Variants in ITPK1 observed in about 807,000 individuals in gnomAD.
ITPK1 encodes inositol 1,3,4-trisphosphate 5/6-kinase.
A neutral mutation model predicts 45.3 loss-of-function variants in ITPK1; 21 were observed. The ratio of observed to expected loss-of-function variants is 0.46; its 90% CI spans 0.33 to 0.67. ITPK1 has a LOEUF of 0.67. Ranked by LOEUF, ITPK1 falls within the 30% of genes least tolerant of loss-of-function variation. ITPK1 has a pLI of 0.02. For missense variants in ITPK1, 474 were observed against 573.5 expected (o/e 0.83, Z 1.77); for synonymous variants, 258 against 253.6 (o/e 1.02, Z -0.16).
At chr14:93,092,725 A>C (rs1891912867) in intron 2 of ITPK1, among the ~76,000 whole-genome samples, 1 of 152,202 alleles carries the variant, frequency 6.6e-6, no homozygotes. Context: ...AGCTGGGCCT[A>C]ATGTGGTCCT....
intron 4 of ITPK1, among the ~76,000 whole-genome samples, chr14:93,001,924 C>A (rs1887375496): frequency 6.6e-6 from 1 of 152,168 alleles, no homozygotes. Context: ...GGGGGTCCTG[C>A]CAAGATTCCA....
intron 8 of ITPK1, among the ~76,000 whole-genome samples, chr14:92,954,606 T>C (rs1888108204): frequency 6.6e-6 from 1 of 152,220 alleles, no homozygotes; most frequent in African/African-American, 2.4e-5. Context: ...GTGTGTGTTT[T>C]CTTCTCAACT....
rs371304373 is a variant in ITPK1, at chr14:92,940,154, G to A, written c.*1407C>T. ...CCGAAGGACCTCCATGCACTGGCTC[G>A]GGGGCCTCTCTCGGGACACTCAGCA... On this transcript the variant is annotated 3_prime_UTR_variant, in exon 11 of 11. Coordinates refer to ENST00000267615, the MANE Select transcript of ITPK1 (RefSeq NM_014216.6). 66 of 985,732 alleles carry A rather than the reference G, an allele frequency of 6.7e-5. No individual in the cohort carries two copies. Among genetic ancestry groups the A allele is most frequent in the African/African-American group, 6.6e-4 (38 of 57,360 alleles). The allele number at this position is 985,732 out of a possible 1,614,324, so 61.1% of individuals were successfully genotyped here.
chr14:92,983,863 C>T (rs763041506), intron 5 of ITPK1, among the ~76,000 whole-genome samples: 10 of 151,972 alleles, frequency 6.6e-5, no homozygotes, highest in Non-Finnish European at 1.3e-4. Flanking sequence ...CCTTATGGGC[C>T]CAACATAAAT....
chr14:93,020,647 C>T (rs1025460270), intron 3 of ITPK1, among the ~76,000 whole-genome samples: 4 of 152,274 alleles, frequency 2.6e-5, no homozygotes, highest in African/African-American at 9.6e-5. Context: ...TTCTTTAATC[C>T]ACTGTCTCCT....
At chr14:92,957,977 G>A (rs1388755423) in intron 8 of ITPK1, among the ~76,000 whole-genome samples, 1 of 152,206 alleles carries the variant, frequency 6.6e-6, no homozygotes, top group Admixed American at 6.5e-5. Context: ...CGGTGGTTCA[G>A]GTGGGTGGGG....
rs749221560 is a variant in ITPK1 at position 92,962,365 on chromosome 14, T to C, written c.494A>G (p.Asn165Ser). 39 of 1,610,480 alleles carry C rather than the reference T, an allele frequency of 2.4e-5. No homozygotes were observed. Among genetic ancestry groups the C allele is most frequent in the African/African-American group, 9.4e-5 (7 of 74,764 alleles). ...ICKTRVAHGTNSHEMAIVFNQ... is the reference protein window; with the variant it reads ...ICKTRVAHGTSSHEMAIVFNQ... ...TCTTCTTCCACTCACCTCGTGAGAG[T>C]TGGTGCCATGAGCCACTCTGGTTTT... The change falls in exon 7 of 11, where the codon AAC becomes AGC. Residue 165 changes from asparagine (N) to serine (S), a missense_variant. Coordinates refer to ENST00000267615, the MANE Select transcript of ITPK1 (RefSeq NM_014216.6).
intron 5 of ITPK1, among the ~76,000 whole-genome samples, chr14:92,993,312 T>C (rs1046224126): frequency 6.6e-6 from 1 of 152,224 alleles, no homozygotes; most frequent in Non-Finnish European, 1.5e-5. Context: ...ACCTTGAGAA[T>C]GTGGCCTTGA....
chr14:93,083,670 C>T (rs1471707995), intron 2 of ITPK1, among the ~76,000 whole-genome samples: 1 of 152,172 alleles, frequency 6.6e-6, no homozygotes, highest in Non-Finnish European at 1.5e-5. Context: ...CACCGTACCC[C>T]ACAGAAGCCC....
intron 2 of ITPK1, among the ~76,000 whole-genome samples, chr14:93,089,665 C>G (rs1891791163): frequency 6.6e-6 from 1 of 152,192 alleles, no homozygotes; most frequent in Non-Finnish European, 1.5e-5. Context: ...TCAGCTGGGT[C>G]TCTGGAGGAG....
chr14:93,093,187 G>A (rs1891932885), intron 2 of ITPK1, among the ~76,000 whole-genome samples: 2 of 152,176 alleles, frequency 1.3e-5, no homozygotes, highest in Admixed American at 6.5e-5. Flanking sequence ...CCAACCTGTG[G>A]GGCAGACACG....
chr14:93,104,584 C>G (rs771456678), intron 2 of ITPK1, among the ~76,000 whole-genome samples: 22 of 152,184 alleles, frequency 1.4e-4, no homozygotes, highest in Admixed American at 5.2e-4. Flanking sequence ...AGTCACCCAT[C>G]CCTGAGGGTG....
intron 10 of ITPK1, among the ~76,000 whole-genome samples, chr14:92,945,043 C>A (rs1165788300): frequency 3.3e-5 from 5 of 152,224 alleles, no homozygotes; most frequent in Non-Finnish European, 1.5e-5. Context: ...CTGGGACCTG[C>A]CCCTGTGCTC....
chr14:92,988,281 C>T (rs1886595518), intron 5 of ITPK1, among the ~76,000 whole-genome samples: 1 of 152,204 alleles, frequency 6.6e-6, no homozygotes, highest in South Asian at 2.1e-4. Flanking sequence ...GGCAGGTGCA[C>T]ACCAAGGGGT....
Position 92,994,659 on chromosome 14 carries a change from G to A in ITPK1, c.247-662C>T, listed in dbSNP as rs1013615184. 3.9e-5 allele frequency among the ~76,000 whole-genome samples: 6 copies of A among 152,272 alleles called. No individual in the cohort carries two copies. The South Asian group carries it at 6.2e-4, about 16-fold the overall frequency. On this transcript the variant is annotated intron_variant, in intron 4 of 10. Transcript: ENST00000267615. ...GCAGAACCCCACGCCACCCAGGTGG[G>A]CCAGACCAACCCGAGCTGACATAGC...
intron 2 of ITPK1, among the ~76,000 whole-genome samples, chr14:93,088,790 C>T (rs1472233559): frequency 1.3e-5 from 2 of 152,194 alleles, no homozygotes; most frequent in Non-Finnish European, 2.9e-5. Context: ...AGCCACCGCG[C>T]CTGGCCTGTC....
intron 5 of ITPK1, among the ~76,000 whole-genome samples, chr14:92,975,116 G>C (rs1885874598): frequency 6.6e-6 from 1 of 152,226 alleles, no homozygotes; most frequent in Non-Finnish European, 1.5e-5. Context: ...CTAAGGCTGA[G>C]CCGCTGCTCC....
intron 2 of ITPK1, among the ~76,000 whole-genome samples, chr14:93,106,059 C>G (rs372171066): frequency 6.6e-6 from 1 of 152,256 alleles, no homozygotes; most frequent in South Asian, 2.1e-4. Context: ...GGAGGAAGAT[C>G]GATGACTGCC....
At position 92,937,120 on chromosome 14, in the gene ITPK1, T is replaced by G. The variant is rs1009642072; in HGVS notation, c.*4441A>C. The G allele has an allele frequency of 6.6e-6, 1 of 152,136 alleles. No individual in the cohort carries two copies. Among genetic ancestry groups the G allele is most frequent in the African/African-American group, 2.4e-5 (1 of 41,400 alleles). 9.4% of individuals were successfully genotyped at this position (152,136 alleles called of 1,614,324 possible). On this transcript the variant is annotated 3_prime_UTR_variant, in exon 11 of 11. Coordinates refer to ENST00000267615, the MANE Select transcript of ITPK1 (RefSeq NM_014216.6). ...CAAAGCCACCCGCAGTGTCCTAACCTCATGGAGTGAACATGCGACCAGGCG... is the reference window on the plus strand; with the variant it reads ...CAAAGCCACCCGCAGTGTCCTAACCGCATGGAGTGAACATGCGACCAGGCG...
Sources: allele counts gnomAD v4.1 joint callset (sites outside exome capture counted in the v4.1 genomes callset), GRCh38; gene constraint gnomAD v4.1.1; transcripts MANE v1.5; gene names NCBI Gene and HGNC (gene_info 2026-07-23, HGNC 2026-07-21).